DCC: variants seen among roughly 807,000 people sequenced by gnomAD.
DCC encodes DCC netrin 1 receptor, also known as netrin receptor DCC.
DCC carries 58 observed loss-of-function variants against 172.5 expected under a neutral mutation model. That is an observed-to-expected ratio of 0.34 (90% CI 0.27 to 0.42). The LOEUF (loss-of-function observed/expected upper bound fraction) is 0.42. DCC is among the 10% of genes least tolerant of loss of function. The pLI, the probability that DCC is intolerant of heterozygous loss-of-function variation, is 1.00. For missense variants in DCC, 1,740 were observed against 1,791.0 expected, an observed-to-expected ratio of 0.97 and a Z score of 0.51; for synonymous variants, 709 against 644.5, an observed-to-expected ratio of 1.10 and a Z score of -1.52.
chr18:52,561,024 C>A (rs2033023368), intron 1 of DCC, among the ~76,000 whole-genome samples: 1 of 152,048 alleles, frequency 6.6e-6, no homozygotes. Flanking sequence ...TTGAATATTT[C>A]ACTTTATATC....
At chr18:53,080,445 CTT>C (rs982624428) in intron 7 of DCC, among the ~76,000 whole-genome samples, 15 of 152,220 alleles carry the variant, frequency 9.9e-5, no homozygotes, top group Admixed American at 9.8e-4. Context: ...AAGGCAAATA[CTT>C]TGTTTTACTG....
chr18:53,032,504 G>T (rs978139178), intron 5 of DCC, among the ~76,000 whole-genome samples: 3 of 152,078 alleles, frequency 2.0e-5, no homozygotes, highest in African/African-American at 4.8e-5. Context: ...CTAATTTTAG[G>T]TGCATTGTCT....
At chr18:52,716,427 C>T (rs1265002890) in intron 1 of DCC, among the ~76,000 whole-genome samples, 1 of 152,176 alleles carries the variant, frequency 6.6e-6, no homozygotes, top group African/African-American at 2.4e-5. Flanking sequence ...GGGGAGGAAG[C>T]TCTTGAAGAC....
At chr18:53,048,229 A>G (rs1482727703) in intron 5 of DCC, among the ~76,000 whole-genome samples, 1 of 151,544 alleles carries the variant, frequency 6.6e-6, no homozygotes. Flanking sequence ...GGTTATAAGG[A>G]CAGTACCCAA....
At chr18:52,573,470 A>G (rs891122737) in intron 1 of DCC, among the ~76,000 whole-genome samples, 2 of 152,196 alleles carry the variant, frequency 1.3e-5, no homozygotes, top group African/African-American at 2.4e-5. Flanking sequence ...CTTTTTTATT[A>G]TGTTCTCACA....
At chr18:52,774,713 C>T (rs1183963046) in intron 2 of DCC, among the ~76,000 whole-genome samples, 1 of 152,032 alleles carries the variant, frequency 6.6e-6, no homozygotes, top group East Asian at 2.0e-4. Context: ...CCTGTTTTCT[C>T]CAGCCCCACT....
intron 1 of DCC, among the ~76,000 whole-genome samples, chr18:52,723,425 G>A (rs1045938944): frequency 6.6e-6 from 1 of 152,176 alleles, no homozygotes; most frequent in Admixed American, 6.5e-5. Context: ...TCAGTGAGGA[G>A]CCAGAACACC....
intron 7 of DCC, among the ~76,000 whole-genome samples, chr18:53,153,784 G>T (rs2054682766): frequency 6.6e-6 from 1 of 152,144 alleles, no homozygotes; most frequent in Admixed American, 6.5e-5. Context: ...TAAGGTTTGG[G>T]ATCTGCTTCT....
intron 2 of DCC, among the ~76,000 whole-genome samples, chr18:52,884,389 C>CTT (rs201014727): frequency 2.7e-5 from 4 of 147,548 alleles, no homozygotes; most frequent in African/African-American, 5.0e-5. Context: ...TTTTTTATTC[C>CTT]TTTTTTTTTT....
At chr18:53,413,406 G>T (rs1599122137) in intron 20 of DCC, among the ~76,000 whole-genome samples, 1 of 152,066 alleles carries the variant, frequency 6.6e-6, no homozygotes, top group East Asian at 1.9e-4. Flanking sequence ...AGAAACATAT[G>T]ATAGAAAAAA....
intron 12 of DCC, among the ~76,000 whole-genome samples, chr18:53,224,906 T>A (rs2055999963): frequency 6.6e-6 from 1 of 152,148 alleles, no homozygotes; most frequent in Non-Finnish European, 1.5e-5. Context: ...TGACAGGTCA[T>A]GCCAGGAGAT....
chr18:53,500,125 G>C (rs2046078324), intron 27 of DCC, among the ~76,000 whole-genome samples: 1 of 152,150 alleles, frequency 6.6e-6, no homozygotes, highest in Non-Finnish European at 1.5e-5. Context: ...GATGGGAAAT[G>C]AGTCCCAGAT....
At chr18:53,000,990 T>C (rs1268205615) in intron 5 of DCC, among the ~76,000 whole-genome samples, 1 of 152,094 alleles carries the variant, frequency 6.6e-6, no homozygotes, top group Non-Finnish European at 1.5e-5. Flanking sequence ...GATGTGTTAC[T>C]GTGCATCTCT....
At chr18:53,230,913 C>T (rs73957114) in intron 12 of DCC, among the ~76,000 whole-genome samples, 3,344 of 151,956 alleles carry the variant, frequency 0.022, 136 homozygotes, top group African/African-American at 0.077. Context: ...TGACATCATG[C>T]AGTTTGAAGT....
chr18:52,542,817 T>G (rs900454066), intron 1 of DCC, among the ~76,000 whole-genome samples: 4 of 151,876 alleles, frequency 2.6e-5, no homozygotes, highest in Admixed American at 6.6e-5. Context: ...CCAGCCTGGG[T>G]GACAAGGGTG....
rs1313253522 is a variant in DCC at position 53,411,849 on chromosome 18, A to G, written c.3130+1203A>G. Reference sequence around the variant, plus strand: ...CATGTCTAAATCAGGTTTCACTCCAAATGAGCAATCAAAAGGCAACTCGTT... The same window carrying G: ...CATGTCTAAATCAGGTTTCACTCCAGATGAGCAATCAAAAGGCAACTCGTT... On this transcript the variant is annotated intron_variant, in intron 20 of 28. Transcript: ENST00000442544. Among the ~76,000 whole-genome samples, 27 of 152,170 alleles carry G rather than the reference A, an allele frequency of 1.8e-4. 2 individuals are homozygous for G. The highest frequency in any genetic ancestry group is 1.8e-3 in the Admixed American group (27 of 15,268).
chr18:52,897,990 G>C (rs1379278748), intron 2 of DCC, among the ~76,000 whole-genome samples: 1 of 152,210 alleles, frequency 6.6e-6, no homozygotes, highest in African/African-American at 2.4e-5. Context: ...TAATTCTAGA[G>C]AATGTCTCTT....
intron 1 of DCC, among the ~76,000 whole-genome samples, chr18:52,481,506 G>T (rs1355886338): frequency 6.6e-6 from 1 of 152,000 alleles, no homozygotes; most frequent in Admixed American, 6.6e-5. Flanking sequence ...TGATTTTGAG[G>T]CAAAGACTCA....
rs563686946 is a variant in DCC at position 53,433,036 on chromosome 18, C to T, written c.3164-2108C>T. Among the ~76,000 whole-genome samples, 7 of 152,152 alleles carry T rather than the reference C, an allele frequency of 4.6e-5. No individual in the cohort carries two copies. In the South Asian group the frequency reaches 1.5e-3, roughly 32 times the overall value. On this transcript the variant is annotated intron_variant, in intron 21 of 28. Transcript: ENST00000442544. ...TTTCTGTTGGACTTGTTGAGAATTA[C>T]ATGATTTCCTTTTGTGATATTAATC...
Sources: gnomAD v4.1 joint callset for allele counts (sites outside exome capture counted in the v4.1 genomes callset) on GRCh38, gnomAD v4.1.1 for gene constraint, MANE v1.5 for transcripts, NCBI Gene and HGNC (gene_info 2026-07-23, HGNC 2026-07-21) for gene names.